Variants in WDFY3 observed in about 807,000 individuals in gnomAD.
WDFY3 encodes the protein WD repeat and FYVE domain containing 3, also known as WD repeat and FYVE domain-containing protein 3.
WDFY3 carries 66 observed loss-of-function variants against 409.6 expected under a neutral mutation model. That is an observed-to-expected ratio of 0.16 (90% confidence interval 0.13 to 0.20). The LOEUF (loss-of-function observed/expected upper bound fraction) is 0.20. Among genes scored for constraint, WDFY3 ranks in the 10% least tolerant of loss-of-function variants. WDFY3 has a pLI of 1.00. For synonymous variants in WDFY3, 1,521 were observed against 1,537.1 expected (o/e 0.99, Z 0.25); for missense variants, 3,031 against 4,298.1 (o/e 0.71, Z 8.24).
chr4:84,934,437 C>T (rs1296913642), intron 1 of WDFY3, among the ~76,000 whole-genome samples: 1 of 152,062 alleles, frequency 6.6e-6, no homozygotes, highest in Admixed American at 6.6e-5. Flanking sequence ...GAATTATTTC[C>T]TCAAATCATT....
chr4:84,814,214 G>T (rs1283411235), intron 13 of WDFY3, among the ~76,000 whole-genome samples: 1 of 152,134 alleles, frequency 6.6e-6, no homozygotes, highest in African/African-American at 2.4e-5. Flanking sequence ...CCTATTTGAT[G>T]AAGTCAGACC....
intron 34 of WDFY3, among the ~76,000 whole-genome samples, chr4:84,754,427 G>A (rs1346523582): frequency 6.6e-6 from 1 of 152,038 alleles, no homozygotes; most frequent in East Asian, 1.9e-4. Context: ...TTATGAATAG[G>A]CACCAAAACG....
chr4:84,698,567 C>T (rs1210594061), intron 56 of WDFY3, among the ~76,000 whole-genome samples: 2 of 152,122 alleles, frequency 1.3e-5, no homozygotes, highest in South Asian at 2.1e-4. Flanking sequence ...GCCAGTGCTC[C>T]GCCCTTAATT....
At chr4:84,675,600 C>A (rs562527727) in intron 67 of WDFY3, among the ~76,000 whole-genome samples, 7 of 152,192 alleles carry the variant, frequency 4.6e-5, no homozygotes, top group Non-Finnish European at 1.0e-4. Flanking sequence ...GAAAGTAGCA[C>A]AGTGAGCATT....
At chr4:84,862,193 G>A (rs1760735957) in intron 3 of WDFY3, among the ~76,000 whole-genome samples, 1 of 152,198 alleles carries the variant, frequency 6.6e-6, no homozygotes, top group South Asian at 2.1e-4. Context: ...CTGAGGCACT[G>A]TAGCTAACAG....
At chr4:84,836,454 C>T (rs1472507753) in intron 7 of WDFY3, among the ~76,000 whole-genome samples, 1 of 152,034 alleles carries the variant, frequency 6.6e-6, no homozygotes, top group East Asian at 1.9e-4. Flanking sequence ...AAGAACAGTG[C>T]TAACAGTGGG....
chr4:84,889,403 T>C (rs1764647188), intron 3 of WDFY3, among the ~76,000 whole-genome samples: 1 of 152,176 alleles, frequency 6.6e-6, no homozygotes, highest in Non-Finnish European at 1.5e-5. Flanking sequence ...AATTGATTAG[T>C]TCCCTTTTAC....
At chr4:84,876,703 A>G (rs1418824225) in intron 3 of WDFY3, among the ~76,000 whole-genome samples, 1 of 152,118 alleles carries the variant, frequency 6.6e-6, no homozygotes, top group East Asian at 1.9e-4. Context: ...AAAAACTTAC[A>G]TAGAGTTATG....
chr4:84,858,630 G>A (rs1760101797), intron 4 of WDFY3, among the ~76,000 whole-genome samples: 1 of 151,698 alleles, frequency 6.6e-6, no homozygotes, highest in Admixed American at 6.6e-5. Context: ...TTCAGATTAA[G>A]AAGGCTTAAG....
rs756965723 is a variant in WDFY3 at position 84,678,992 on chromosome 4, G to A, written c.10074C>T (p.Ala3358=). ...GGTGGCTAAGGGGGCCCTGCAGATGGGCTCTGGTCTGGCCCTCTGAATAGT... is the reference window on the plus strand; with the variant it reads ...GGTGGCTAAGGGGGCCCTGCAGATGAGCTCTGGTCTGGCCCTCTGAATAGT... The part of the protein sequence containing the change: ...FVNYSEGQTR[A]HLQGPLSHPH... Residue 3358 remains alanine, a synonymous_variant, in exon 65 of 68, where the codon GCC becomes GCT. Coordinates refer to ENST00000295888, the MANE Select transcript of WDFY3 (RefSeq NM_014991.6). The A allele has an allele frequency of 3.1e-6, 5 of 1,614,180 alleles. No homozygotes were observed. In the South Asian group the frequency reaches 4.4e-5, roughly 14 times the overall value.
At chr4:84,802,922 CTT>C (rs1750868923) in intron 16 of WDFY3, among the ~76,000 whole-genome samples, 2 of 152,288 alleles carry the variant, frequency 1.3e-5, no homozygotes, top group South Asian at 2.1e-4. Flanking sequence ...CGCTCAAACT[CTT>C]GAGTGCAACA....
chr4:84,781,909 A>T (rs1231590678), intron 25 of WDFY3, among the ~76,000 whole-genome samples: 1 of 152,182 alleles, frequency 6.6e-6, no homozygotes, highest in Non-Finnish European at 1.5e-5. Context: ...GGACAATAAA[A>T]ATTGCCAATG....
At position 84,778,952 on chromosome 4, in the gene WDFY3, C is replaced by T. The variant is rs115901741; in HGVS notation, c.4366-297G>A. Among the ~76,000 whole-genome samples the T allele has an allele frequency of 6.3e-3, 957 of 152,070 alleles. 6 individuals carry two copies. The highest frequency in any genetic ancestry group is 0.022 in the African/African-American group (899 of 41,466). ...ATAAATATGTAAATAGTTACCAACG[C>T]GTGCATAAAATTGTATGTATAATGA... On this transcript the variant is annotated intron_variant, in intron 26 of 67. Transcript: ENST00000295888.
At chr4:84,698,291 T>TA (rs200509418) in intron 56 of WDFY3, among the ~76,000 whole-genome samples, 9,076 of 124,132 alleles carry the variant, frequency 0.073, 486 homozygotes, top group East Asian at 0.25. Context: ...TATATATATA[T>TA]TTTTTTTTTT....
Position 84,671,745 on chromosome 4 carries a change from A to G in WDFY3, c.*1123T>C, listed in dbSNP as rs901882004. ...TCAGGTAGATGACATTAAATGGTAA[A>G]GGTTAATTTTAAGCAGTTCTGACAT... On this transcript the variant is annotated 3_prime_UTR_variant, in exon 68 of 68. Coordinates refer to ENST00000295888, the MANE Select transcript of WDFY3 (RefSeq NM_014991.6). The G allele has an allele frequency of 6.6e-6, 1 of 152,606 alleles. No individual in the cohort carries two copies. The highest frequency in any genetic ancestry group is 1.5e-5 in the Non-Finnish European group (1 of 68,032). The allele number at this position is 152,606 out of a possible 1,614,324, so 9.5% of individuals were successfully genotyped here.
intron 29 of WDFY3, 149 bp downstream of exon 29, chr4:84,774,671 T>C: frequency 2.4e-6 from 2 of 850,976 alleles, no homozygotes; most frequent in Non-Finnish European, 3.5e-6. Context: ...CTCATTCATG[T>C]TTTCCATGCG....
intron 15 of WDFY3, among the ~76,000 whole-genome samples, chr4:84,807,831 A>G (rs1413562504): frequency 6.6e-6 from 1 of 152,146 alleles, no homozygotes; most frequent in African/African-American, 2.4e-5. Flanking sequence ...AGCATTTTTC[A>G]TAACAGCAAC....
At chr4:84,687,918 A>T (rs1728598129) in intron 62 of WDFY3, 168 bp downstream of exon 62, 1 of 687,912 alleles carries the variant, frequency 1.5e-6, no homozygotes, top group Admixed American at 2.5e-5. Context: ...CAGACACCTG[A>T]TGGGTATAGT....
At chr4:84,799,705 A>G (rs1259665990) in intron 17 of WDFY3, among the ~76,000 whole-genome samples, 1 of 152,038 alleles carries the variant, frequency 6.6e-6, no homozygotes, top group East Asian at 1.9e-4. Flanking sequence ...AAAGTAGAAT[A>G]CTCCAAATTT....
Sources: gnomAD v4.1 joint callset for allele counts (sites outside exome capture counted in the v4.1 genomes callset) on GRCh38, gnomAD v4.1.1 for gene constraint, MANE v1.5 for transcripts, NCBI Gene and HGNC (gene_info 2026-07-23, HGNC 2026-07-21) for gene names.